Variants in SGCD observed in about 807,000 individuals in gnomAD.
The protein encoded by SGCD is sarcoglycan delta.
SGCD carries 18 observed loss-of-function variants against 36.6 expected under a neutral mutation model. That is an observed-to-expected ratio of 0.49 (90% CI 0.34 to 0.73). The LOEUF (loss-of-function observed/expected upper bound fraction) is 0.73, where lower values mean the gene tolerates loss of function less well. Among genes scored for constraint, SGCD ranks in the 30% least tolerant of loss-of-function variants. The pLI is 0.01. For missense variants in SGCD, 387 were observed against 346.7 expected (o/e 1.12, Z -0.92); for synonymous variants, 133 against 130.6 (o/e 1.02, Z -0.12).
intron 3 of SGCD, among the ~76,000 whole-genome samples, chr5:156,424,487 C>G (rs972214184): frequency 6.6e-6 from 1 of 152,066 alleles, no homozygotes; most frequent in Non-Finnish European, 1.5e-5. Context: ...TGTTAAAAAC[C>G]TGATACAGGA....
intron 1 of SGCD, among the ~76,000 whole-genome samples, chr5:155,888,348 G>C (rs1283230323): frequency 6.6e-6 from 1 of 152,146 alleles, no homozygotes; most frequent in East Asian, 1.9e-4. Flanking sequence ...CTATCCTGCT[G>C]TCCAGTATTC....
chr5:155,988,449 C>G (rs1337545795), intron 1 of SGCD, among the ~76,000 whole-genome samples: 1 of 152,134 alleles, frequency 6.6e-6, no homozygotes, highest in Non-Finnish European at 1.5e-5. Context: ...TCACTTGAGC[C>G]TAGGCACAGA....
chr5:155,867,869 A>G (rs188884916), upstream of SGCD, among the ~76,000 whole-genome samples: 4 of 152,268 alleles, frequency 2.6e-5, no homozygotes, highest in African/African-American at 9.6e-5. Flanking sequence ...TAGAAACATT[A>G]AGTAATTGGT....
intron 6 of SGCD, among the ~76,000 whole-genome samples, chr5:156,618,085 A>G (rs1394396917): frequency 6.6e-6 from 1 of 152,140 alleles, no homozygotes; most frequent in Non-Finnish European, 1.5e-5. Flanking sequence ...GTATTTCATC[A>G]GTACGCAGAA....
At chr5:156,157,521 C>T (rs1762992204) in intron 3 of SGCD, among the ~76,000 whole-genome samples, 1 of 151,698 alleles carries the variant, frequency 6.6e-6, no homozygotes, top group Non-Finnish European at 1.5e-5. Flanking sequence ...CCCTTATTTC[C>T]ACTTTGCCAT....
intron 3 of SGCD, among the ~76,000 whole-genome samples, chr5:156,221,276 A>G (rs1030374988): frequency 5.3e-5 from 8 of 152,104 alleles, no homozygotes; most frequent in Non-Finnish European, 1.0e-4. Flanking sequence ...AGACGGTACA[A>G]TTCTTGAAGT....
intron 7 of SGCD, among the ~76,000 whole-genome samples, chr5:156,690,818 T>C (rs1754077921): frequency 6.6e-6 from 1 of 152,150 alleles, no homozygotes; most frequent in South Asian, 2.1e-4. Flanking sequence ...TTGGATTTAG[T>C]AACATGAAAG....
chr5:156,290,248 T>C (rs540118232), intron 3 of SGCD, among the ~76,000 whole-genome samples: 2 of 152,218 alleles, frequency 1.3e-5, no homozygotes, highest in African/African-American at 2.4e-5. Context: ...CCCAGGTATG[T>C]GGCTAGAAGT....
In SGCD at chr5:156,763,482, A is replaced by G. The variant is rs56389540; in HGVS notation, c.*4092A>G. ...AATACAGTGAAATTCTTTTTATCAA[A>G]CTGATGCTGTGAGAAACCAGATGAA... is the stretch of plus-strand genomic sequence containing the variant. On this transcript the variant is annotated 3_prime_UTR_variant, in exon 9 of 9. Coordinates refer to ENST00000337851, the MANE Select transcript of SGCD (RefSeq NM_000337.6). The G allele has an allele frequency of 0.096, 14,570 of 152,524 alleles. 1,096 individuals carry two copies. Among genetic ancestry groups the G allele is most frequent in the African/African-American group, 0.21 (8,565 of 41,502 alleles). 9.4% of individuals were successfully genotyped at this position (152,524 alleles called of 1,614,324 possible).
intron 3 of SGCD, among the ~76,000 whole-genome samples, chr5:156,475,762 C>T (rs1581046957): frequency 6.6e-6 from 1 of 152,306 alleles, no homozygotes; most frequent in East Asian, 1.9e-4. Context: ...GGCCCCCCAA[C>T]TCAGCACATT....
chr5:156,346,798 T>A lies in SGCD; in HGVS notation c.192+2121T>A, dbSNP rs575622135. On this transcript the variant is annotated intron_variant, in intron 3 of 8. Transcript: ENST00000337851. ...CTTTACTTTATTTTTTTATTTTTTT[T>A]ATTTTTTTATTTTTTGTGAGACGGA... Among the ~76,000 whole-genome samples the A allele has an allele frequency of 5.9e-5, 9 of 152,040 alleles. No homozygotes were observed. In the East Asian group the frequency reaches 1.4e-3, roughly 23 times the overall value.
rs145755140 is a variant in SGCD, at chr5:156,406,437, C to G, written c.192+61760C>G. ...CTCTCCTGTGCCCCTCTCCTCTCCT[C>G]TCCTCTTCTCTTTATTTTGGTGCAT... On this transcript the variant is annotated intron_variant, in intron 3 of 8. Coordinates refer to ENST00000337851, the MANE Select transcript of SGCD (RefSeq NM_000337.6). 1.4e-3 allele frequency among the ~76,000 whole-genome samples: 210 copies of G among 152,160 alleles called. 1 individual carries two copies. The highest frequency in any genetic ancestry group is 4.4e-3 in the African/African-American group (182 of 41,510).
At chr5:156,184,773 G>A (rs1041861766) in intron 3 of SGCD, among the ~76,000 whole-genome samples, 4 of 152,170 alleles carry the variant, frequency 2.6e-5, no homozygotes, top group African/African-American at 9.7e-5. Context: ...CAAGGACCAT[G>A]CCAAGATAAG....
chr5:156,075,933 G>A (rs952785457), intron 1 of SGCD, among the ~76,000 whole-genome samples: 4 of 152,080 alleles, frequency 2.6e-5, no homozygotes, highest in Non-Finnish European at 4.4e-5. Context: ...TTAGGCTTTG[G>A]GGCTTCCACA....
intron 2 of SGCD, among the ~76,000 whole-genome samples, chr5:156,335,149 A>T (rs1001124685): frequency 6.6e-6 from 1 of 152,206 alleles, no homozygotes; most frequent in African/African-American, 2.4e-5. Context: ...AGAAATATGC[A>T]TGTGTGTTTC....
intron 4 of SGCD, among the ~76,000 whole-genome samples, chr5:156,545,823 C>T (rs541796021): frequency 3.1e-4 from 47 of 152,200 alleles, no homozygotes; most frequent in African/African-American, 8.7e-4. Context: ...GATATGTCTG[C>T]GGGAAGCCCA....
intron 1 of SGCD, among the ~76,000 whole-genome samples, chr5:155,884,156 A>G (rs1755951524): frequency 6.6e-6 from 1 of 152,156 alleles, no homozygotes; most frequent in Non-Finnish European, 1.5e-5. Context: ...GGTGACACCT[A>G]ACGATGATGA....
chr5:155,854,941 A>G, the SGCD span, among the ~76,000 whole-genome samples: 2 of 152,110 alleles, frequency 1.3e-5, no homozygotes, highest in South Asian at 2.1e-4. Flanking sequence ...AAAAAGTCCA[A>G]CGGCCTACCC....
chr5:156,672,896 C>T (rs909723330), intron 7 of SGCD, among the ~76,000 whole-genome samples: 1 of 152,176 alleles, frequency 6.6e-6, no homozygotes. Flanking sequence ...CTCGTCTCTA[C>T]ATTTTTCTAG....
Sources: gnomAD v4.1 joint callset for allele counts (sites outside exome capture counted in the v4.1 genomes callset) on GRCh38, gnomAD v4.1.1 for gene constraint, MANE v1.5 for transcripts, NCBI Gene and HGNC (gene_info 2026-07-23, HGNC 2026-07-21) for gene names.